Variants in LLGL1 observed in about 807,000 individuals in gnomAD.
The protein encoded by LLGL1 is LLGL scribble cell polarity complex component 1, also known as lethal(2) giant larvae protein homolog 1.
In LLGL1, 58 loss-of-function variants were observed where a neutral mutation model predicts 110.6. The observed-to-expected ratio is 0.52, with a 90% CI of 0.42 to 0.65. The LOEUF (loss-of-function observed/expected upper bound fraction) is 0.65, where lower values mean the gene tolerates loss of function less well. Among genes scored for constraint, LLGL1 ranks in the 30% least tolerant of loss-of-function variants. The pLI is 0.00. For missense variants in LLGL1, 1,229 were observed against 1,462.1 expected (o/e 0.84, Z 2.60); for synonymous variants, 674 against 607.2 (o/e 1.11, Z -1.62).
At position 18,234,055 on chromosome 17, in the gene LLGL1, G is replaced by A. The variant is rs2047631766; in HGVS notation, c.594G>A (p.Val198=). 1 of 1,604,524 alleles carries A rather than the reference G, an allele frequency of 6.2e-7. No homozygotes were observed. Among genetic ancestry groups the A allele is most frequent in the African/African-American group, 1.3e-5 (1 of 74,800 alleles). ...GCTGTGGGAAGGCACTGGGCCCCGT[G>A]GAGTCACTCCAGGGACACCTGCGGG... is the stretch of plus-strand genomic sequence containing the variant. ...DYRCGKALGP[V]ESLQGHLRDP... is the part of the protein sequence containing the mutation. The change falls in exon 6 of 23, where the codon GTG becomes GTA. Residue 198 remains valine (V), a synonymous_variant. Coordinates refer to ENST00000316843, the MANE Select transcript of LLGL1 (RefSeq NM_004140.4).
Position 18,232,503 on chromosome 17 carries a change from C to T in LLGL1, c.188C>T (p.Ala63Val), listed in dbSNP as rs780673566. 1 of 1,613,772 alleles carries T rather than the reference C, an allele frequency of 6.2e-7. No homozygotes were observed. Among genetic ancestry groups the T allele is most frequent in the East Asian group, 2.2e-5 (1 of 44,882 alleles). ...TRSGAVKIYG[A>V]PGVEFTGLHR... ...TGACCTGCCACCCTCAGCTATGGTG[C>T]ACCTGGCGTGGAGTTCACAGGCCTG... is the stretch of plus-strand genomic sequence containing the variant. Residue 63 changes from alanine (A) to valine (V), a missense_variant, in exon 3 of 23, where the codon GCA becomes GTA. Transcript: ENST00000316843.
rs553954291 is a variant in LLGL1 at position 18,238,593 on chromosome 17, C to G, written c.2190C>G (p.Asp730Glu). Residue 730 changes from aspartate (D) to glutamate (E), a missense_variant, in exon 16 of 23, where the codon GAC (aspartate) becomes GAG (glutamate). Physicochemically the swap from Asp to Glu is conservative, Grantham distance 45 (BLOSUM62 2). Coordinates refer to ENST00000316843, the MANE Select transcript of LLGL1 (RefSeq NM_004140.4). ...SGVVRCLYFADTFLRDGAHHG... is the reference protein window; with the variant it reads ...SGVVRCLYFAETFLRDGAHHG... The stretch of plus-strand genomic sequence containing the variant: ...TCGTGCGTTGCCTATACTTTGCCGA[C>G]ACATTCCTTCGAGATGGTAAGGCAG... 1 of 1,612,220 alleles carries G rather than the reference C, an allele frequency of 6.2e-7. No homozygotes were observed. The highest frequency in any genetic ancestry group is 1.1e-5 in the South Asian group (1 of 91,030).
chr17:18,226,759 G>GC (rs1279994429), intron 1 of LLGL1, among the ~76,000 whole-genome samples: 2 of 152,204 alleles, frequency 1.3e-5, no homozygotes, highest in African/African-American at 2.4e-5. Context: ...GGCCGCCTCA[G>GC]CCCCCGCCTC....
chr17:18,225,950 G>T (rs112521610), intron 1 of LLGL1, among the ~76,000 whole-genome samples, 187 bp downstream of exon 1: 2,341 of 151,528 alleles, frequency 0.015, 52 homozygotes, highest in African/African-American at 0.047. Flanking sequence ...ACTCTGGGTG[G>T]GTCTGGGTCT....
intron 22 of LLGL1, 91 bp downstream of exon 22, chr17:18,242,913 T>A: frequency 8.1e-7 from 1 of 1,241,868 alleles, no homozygotes; most frequent in Non-Finnish European, 1.1e-6. Context: ...GTCTTCTACC[T>A]GAGACCCTGG....
At chr17:18,228,886 C>T (rs1003098491) in intron 1 of LLGL1, among the ~76,000 whole-genome samples, 1 of 151,914 alleles carries the variant, frequency 6.6e-6, no homozygotes, top group Non-Finnish European at 1.5e-5. Flanking sequence ...GGCCAGACAG[C>T]TAGGCCGTGA....
chr17:18,236,999 C>G, intron 13 of LLGL1, 60 bp downstream of exon 13: 1 of 1,379,040 alleles, frequency 7.3e-7, no homozygotes, highest in Non-Finnish European at 1.0e-6. Flanking sequence ...AAGAGATGAG[C>G]TGGAGGGTCT....
intron 13 of LLGL1, 54 bp from the exon 14 acceptor site, chr17:18,237,427 C>T (rs1353426305): frequency 3.4e-6 from 5 of 1,471,750 alleles, no homozygotes; most frequent in Non-Finnish European, 4.5e-6. Flanking sequence ...TGAGTGGGGC[C>T]CAGGGCGGCC....
intron 1 of LLGL1, 35 bp downstream of exon 1, chr17:18,225,798 AG>A (rs1027981969): frequency 1.3e-4 from 23 of 178,178 alleles, no homozygotes; most frequent in Middle Eastern, 2.5e-3. Context: ...CTCGGGCGGG[AG>A]GGGGCGGGAC....
chr17:18,240,457 G>T lies in LLGL1; in HGVS notation c.2207-121G>T. The stretch of plus-strand genomic sequence containing the variant: ...GAGGGAATCAGCCCTGAGTCCCAGG[G>T]TGTCATAGTTAGGAAGCAGGGCTAC... On this transcript the variant is annotated intron_variant, in intron 16 of 22. Coordinates refer to ENST00000316843, the MANE Select transcript of LLGL1 (RefSeq NM_004140.4). The surrounding 1 kb of genome is among the most constrained non-coding windows in gnomAD (Gnocchi z 5.3). The T allele has an allele frequency of 1.7e-6, 2 of 1,206,624 alleles. No individual in the cohort carries two copies. The highest frequency in any genetic ancestry group is 1.6e-5 in the South Asian group (1 of 63,734). 74.7% of individuals were successfully genotyped at this position (1,206,624 alleles called of 1,614,324 possible).
chr17:18,239,350 T>G (rs1280289630), intron 16 of LLGL1, among the ~76,000 whole-genome samples: 1 of 152,084 alleles, frequency 6.6e-6, no homozygotes, highest in East Asian at 1.9e-4. Flanking sequence ...GGTCCTGGAT[T>G]TGTTGATTGA....
chr17:18,229,060 A>G (rs1054337183), intron 1 of LLGL1, among the ~76,000 whole-genome samples: 8 of 152,122 alleles, frequency 5.3e-5, no homozygotes, highest in Admixed American at 5.2e-4. Flanking sequence ...AATAAATAAC[A>G]ACAACAAGAT....
In LLGL1 at chr17:18,241,634, C is replaced by T. The variant is rs776846353; in HGVS notation, c.2686C>T (p.Arg896Trp). The T allele has an allele frequency of 1.1e-5, 17 of 1,613,670 alleles. No homozygotes were observed. Among genetic ancestry groups the T allele is most frequent in the African/African-American group, 4.0e-5 (3 of 75,072 alleles). ...DVHVFSVPGL[R>W]PQVHYSCIRK... The stretch of plus-strand genomic sequence containing the variant: ...CCACGTCTTCTCGGTGCCTGGCCTG[C>T]GGCCCCAGGTGCACTATTCCTGCAT... The change falls in exon 18 of 23, where the codon CGG (arginine) becomes TGG (tryptophan). Residue 896 changes from arginine to tryptophan, a missense_variant. Arg to Trp is a moderately radical substitution (Grantham distance 101). Transcript: ENST00000316843.
In LLGL1 at chr17:18,240,927, CCT is replaced by C; in HGVS notation, c.2502+56_2502+57del. ...TGGGGGACTCCCCTCCAGGCCCCAACCTCATGGACACCATTGGACCCTCAAGA... is the reference window on the plus strand; with the variant it reads ...TGGGGGACTCCCCTCCAGGCCCCAACCATGGACACCATTGGACCCTCAAGA... On this transcript the variant is annotated intron_variant, in intron 17 of 22. Transcript: ENST00000316843. The surrounding 1 kb of genome is among the most constrained non-coding windows in gnomAD (Gnocchi z 5.3). 1.4e-6 allele frequency: 2 copies of C among 1,455,030 alleles called. No individual in the cohort carries two copies. The highest frequency in any genetic ancestry group is 1.8e-6 in the Non-Finnish European group (2 of 1,089,082). 90.1% of individuals were successfully genotyped at this position (1,455,030 alleles called of 1,614,324 possible).
chr17:18,225,654 CG>C lies in LLGL1; in HGVS notation c.-26del. The C allele has an allele frequency of 1.0e-6, 1 of 973,264 alleles. No individual in the cohort carries two copies. The highest frequency in any genetic ancestry group is 1.2e-6 in the Non-Finnish European group (1 of 819,454). The allele number at this position is 973,264 out of a possible 1,614,324, so 60.3% of individuals were successfully genotyped here. ...CGGCGCATCCTGCGGGCGGCGGCGGCGGGCGAGGCGCCTGCAGCCGGGCGCA... is the reference window on the plus strand; with the variant it reads ...CGGCGCATCCTGCGGGCGGCGGCGGCGGCGAGGCGCCTGCAGCCGGGCGCA... On this transcript the variant is annotated 5_prime_UTR_variant, in exon 1 of 23. Transcript: ENST00000316843.
rs199646471 is a variant in LLGL1 at position 18,244,734 on chromosome 17, GCA to G, written c.*829_*830del. The G allele has an allele frequency of 0.21, 8,928 of 43,406 alleles. 2,510 individuals carry two copies. Among genetic ancestry groups the G allele is most frequent in the East Asian group, 0.37 (437 of 1,176 alleles). 2.7% of individuals were successfully genotyped at this position (43,406 alleles called of 1,614,324 possible). A position where few individuals can be genotyped will look rare whatever the true frequency, so the allele number is the denominator to read the frequency against. On this transcript the variant is annotated 3_prime_UTR_variant, in exon 23 of 23. Transcript: ENST00000316843. ...TGTGTGTGTCCGGCGGGGGGGGGGG[GCA>G]GGGGGGGGGGTCAAGATGAGTTTCC...
chr17:18,237,615 C>T lies in LLGL1; in HGVS notation c.1746C>T (p.Pro582=), dbSNP rs142890672. The T allele has an allele frequency of 6.0e-5, 96 of 1,611,410 alleles. No individual in the cohort carries two copies. The African/African-American group carries it at 1.1e-3, about 18-fold the overall frequency. ...TGAGCCCACGCACGGGGCCGCTGCC[C>T]TGGCCTGCTGGCTTCCAGCCCCGTG... ...ERLSPRTGPL[P]WPAGFQPRVL... The change falls in exon 14 of 23, where the codon CCC becomes CCT. Residue 582 remains proline, a synonymous_variant. Transcript: ENST00000316843.
intron 13 of LLGL1, chr17:18,237,207 C>T (rs887134697): frequency 6.7e-6 from 4 of 594,878 alleles, no homozygotes; most frequent in Non-Finnish European, 1.2e-5. Flanking sequence ...GTCCTTATTG[C>T]TAAATGGGAG....
At chr17:18,235,356 GGA>G in intron 10 of LLGL1, 44 bp downstream of exon 10, 1 of 1,605,764 alleles carries the variant, frequency 6.2e-7, no homozygotes, top group Non-Finnish European at 8.5e-7. Flanking sequence ...GGAGTCTTGA[GGA>G]GGGGGAGAGT....
Sources: allele counts gnomAD v4.1 joint callset (sites outside exome capture counted in the v4.1 genomes callset), GRCh38; gene constraint gnomAD v4.1.1; non-coding constraint Gnocchi (gnomAD v3.1); transcripts MANE v1.5; gene names NCBI Gene and HGNC (gene_info 2026-07-23, HGNC 2026-07-21).